The following AFAP1L1 variants were observed in gnomAD, a reference collection of about 807,000 sequenced individuals.
AFAP1L1 encodes the protein actin filament associated protein 1 like 1.
AFAP1L1 carries 77 observed loss-of-function variants against 99.8 expected under a neutral mutation model. That is an observed-to-expected ratio of 0.77 (90% CI 0.64 to 0.93). The LOEUF is 0.93. Among genes scored for constraint, AFAP1L1 ranks in the 40% least tolerant of loss-of-function variants. The pLI is 0.00. For synonymous variants in AFAP1L1, 373 were observed against 395.3 expected (o/e 0.94, Z 0.67); for missense variants, 893 against 996.8 (o/e 0.90, Z 1.40).
chr5:149,307,665 G>C (rs1756464255), intron 7 of AFAP1L1, 52 bp downstream of exon 7: 2 of 1,567,748 alleles, frequency 1.3e-6, no homozygotes, highest in Non-Finnish European at 1.7e-6. Context: ...ACTTGCATGT[G>C]GGTGTGTCTC....
chr5:149,327,511 TTATAC>T (rs969075150), intron 15 of AFAP1L1, among the ~76,000 whole-genome samples: 12 of 152,194 alleles, frequency 7.9e-5, no homozygotes, highest in Middle Eastern at 3.4e-3. Flanking sequence ...GCTTACTATA[TTATAC>T]TATACTATAT....
intron 16 of AFAP1L1, among the ~76,000 whole-genome samples, chr5:149,331,396 A>G (rs553491279): frequency 6.6e-6 from 1 of 152,242 alleles, no homozygotes; most frequent in South Asian, 2.1e-4. Context: ...TGAGGTGGGC[A>G]GATCACAAGG....
intron 1 of AFAP1L1, among the ~76,000 whole-genome samples, chr5:149,284,503 C>G (rs1755618509): frequency 6.6e-6 from 1 of 152,176 alleles, no homozygotes; most frequent in Non-Finnish European, 1.5e-5. Context: ...AAGCAAATGC[C>G]TAAAACTCAG....
Position 149,283,122 on chromosome 5 carries a change from G to C in AFAP1L1, c.16+11138G>C, listed in dbSNP as rs1025142535. Among the ~76,000 whole-genome samples, 4 of 152,212 alleles carry C rather than the reference G, an allele frequency of 2.6e-5. 1 individual carries two copies. The South Asian group carries it at 8.3e-4, about 32-fold the overall frequency. Reference sequence around the variant, plus strand: ...CTATCTCATTGATTCTACAACTGGGGAAACAGGTACAAGGAGTAGTGGCTT... The same window carrying C: ...CTATCTCATTGATTCTACAACTGGGCAAACAGGTACAAGGAGTAGTGGCTT... On this transcript the variant is annotated intron_variant, in intron 1 of 18. Transcript: ENST00000296721.
intron 5 of AFAP1L1, among the ~76,000 whole-genome samples, chr5:149,304,746 A>G (rs1479435819): frequency 1.3e-5 from 2 of 151,866 alleles, no homozygotes; most frequent in African/African-American, 2.4e-5. Context: ...TTCACCTCCC[A>G]GGAGATGTCC....
chr5:149,302,608 G>A (rs1756265045), intron 5 of AFAP1L1, 82 bp downstream of exon 5: 1 of 1,238,588 alleles, frequency 8.1e-7, no homozygotes, highest in Non-Finnish European at 1.1e-6. Context: ...TCCTGTGGGA[G>A]CTGGAACTGC....
intron 1 of AFAP1L1, among the ~76,000 whole-genome samples, chr5:149,277,678 T>A (rs1755381507): frequency 6.6e-6 from 1 of 151,344 alleles, no homozygotes; most frequent in Non-Finnish European, 1.5e-5. Context: ...CCAGTGGAGC[T>A]GAGTGGTTCA....
intron 18 of AFAP1L1, among the ~76,000 whole-genome samples, chr5:149,336,129 C>G (rs886878567): frequency 2.0e-5 from 3 of 152,066 alleles, no homozygotes; most frequent in Non-Finnish European, 4.4e-5. Flanking sequence ...GTCCACAGTC[C>G]CTTCTGTGTG....
intron 1 of AFAP1L1, among the ~76,000 whole-genome samples, chr5:149,282,257 G>A (rs979235847): frequency 1.3e-5 from 2 of 152,154 alleles, no homozygotes; most frequent in African/African-American, 2.4e-5. Flanking sequence ...GCAAGCTTGG[G>A]GGCTTTTTAT....
intron 1 of AFAP1L1, among the ~76,000 whole-genome samples, chr5:149,295,554 G>A (rs1000775792): frequency 2.0e-5 from 3 of 151,204 alleles, no homozygotes; most frequent in Non-Finnish European, 4.4e-5. Flanking sequence ...AGAAACAAAA[G>A]AAGGGAGAGA....
chr5:149,292,875 C>T (rs1048286720), intron 1 of AFAP1L1, among the ~76,000 whole-genome samples: 1 of 152,166 alleles, frequency 6.6e-6, no homozygotes, highest in Non-Finnish European at 1.5e-5. Flanking sequence ...CCGGGGACAG[C>T]AAGGACCCAG....
At chr5:149,273,434 C>T (rs905567893) in intron 1 of AFAP1L1, among the ~76,000 whole-genome samples, 1 of 151,958 alleles carries the variant, frequency 6.6e-6, no homozygotes, top group Non-Finnish European at 1.5e-5. Flanking sequence ...AACGGAAAGT[C>T]AGGCTTGGCG....
intron 1 of AFAP1L1, among the ~76,000 whole-genome samples, chr5:149,287,229 C>A (rs1193475248): frequency 7.5e-6 from 1 of 133,950 alleles, no homozygotes; most frequent in Non-Finnish European, 1.5e-5. Flanking sequence ...ACTGTATATT[C>A]TTTTAATAAA....
chr5:149,293,068 GA>G (rs972731345), intron 1 of AFAP1L1, among the ~76,000 whole-genome samples: 3 of 152,190 alleles, frequency 2.0e-5, no homozygotes, highest in African/African-American at 7.2e-5. Context: ...GAGGCTTGCA[GA>G]GTCCCACCAT....
intron 1 of AFAP1L1, among the ~76,000 whole-genome samples, chr5:149,299,216 G>T (rs1317337617): frequency 1.3e-5 from 2 of 152,194 alleles, no homozygotes; most frequent in African/African-American, 4.8e-5. Context: ...TCTGCTCGGG[G>T]CTGCCTGAGC....
At chr5:149,292,668 G>A (rs2127592176) in intron 1 of AFAP1L1, among the ~76,000 whole-genome samples, 1 of 152,274 alleles carries the variant, frequency 6.6e-6, no homozygotes, top group East Asian at 1.9e-4. Flanking sequence ...ATTTCTTCCT[G>A]TTGTATCTTT....
At chr5:149,330,325 T>C (rs1414720711) in intron 16 of AFAP1L1, among the ~76,000 whole-genome samples, 1 of 152,234 alleles carries the variant, frequency 6.6e-6, no homozygotes, top group African/African-American at 2.4e-5. Flanking sequence ...TATTTTCTGC[T>C]GTGTTTCCTT....
chr5:149,307,471 C>T lies in AFAP1L1; in HGVS notation c.605C>T (p.Pro202Leu), dbSNP rs922720315. The T allele has an allele frequency of 6.8e-6, 11 of 1,613,974 alleles. No homozygotes were observed. Among genetic ancestry groups the T allele is most frequent in the African/African-American group, 2.7e-5 (2 of 74,898 alleles). ...GAAGAGGAGGAGGAAGGGAAGAGCC[C>T]GCAGCCCCGACACCAGTGGCCCTCA... The part of the protein sequence containing the change: ...YDEEEEEGKS[P>L]QPRHQWPSEE... The change falls in exon 7 of 19, where the codon CCG becomes CTG. Residue 202 changes from proline (P) to leucine (L), a missense_variant. By Grantham distance (98) the Pro-to-Leu change is moderately conservative (BLOSUM62 -3). Transcript: ENST00000296721.
At chr5:149,313,030 G>A (rs544254476) in intron 9 of AFAP1L1, among the ~76,000 whole-genome samples, 1 of 152,158 alleles carries the variant, frequency 6.6e-6, no homozygotes, top group Non-Finnish European at 1.5e-5. Context: ...AGGAGGCTGA[G>A]GGAGGAGAAT....
Sources: gnomAD v4.1 joint callset for allele counts (sites outside exome capture counted in the v4.1 genomes callset) on GRCh38, gnomAD v4.1.1 for gene constraint, MANE v1.5 for transcripts, NCBI Gene and HGNC (gene_info 2026-07-23, HGNC 2026-07-21) for gene names.